Variants in SMAD2 observed in about 807,000 individuals in gnomAD.
The protein encoded by SMAD2 is MAD homolog 2.
In SMAD2, 8 loss-of-function variants were observed where a neutral mutation model predicts 64.4. That is an observed-to-expected ratio of 0.12 (90% confidence interval 0.07 to 0.22). The LOEUF is 0.22. Among genes scored for constraint, SMAD2 ranks in the 10% least tolerant of loss-of-function variants. The probability of loss-of-function intolerance (pLI) is 1.00; values close to 1 mark genes in which losing one functional copy is unlikely to be tolerated. For synonymous variants in SMAD2, 203 were observed against 195.8 expected, an observed-to-expected ratio of 1.04 and a Z score of -0.31; for missense variants, 289 against 561.2, an observed-to-expected ratio of 0.51 and a Z score of 4.90.
chr18:47,854,824 G>T (rs538552647), intron 6 of SMAD2, among the ~76,000 whole-genome samples: 1 of 151,934 alleles, frequency 6.6e-6, no homozygotes, highest in Non-Finnish European at 1.5e-5. Flanking sequence ...AACCACAATG[G>T]TCCATTTGTT....
rs1413382818 is a variant in SMAD2 at position 47,830,882 on chromosome 18, TCTG to T, written c.*10942_*10944del. 6.4e-5 allele frequency: 10 copies of T among 155,114 alleles called. No individual in the cohort carries two copies. Among genetic ancestry groups the T allele is most frequent in the Admixed American group, 3.9e-4 (6 of 15,352 alleles). The allele number at this position is 155,114 out of a possible 1,614,324, so 9.6% of individuals were successfully genotyped here. A position where few individuals can be genotyped will look rare whatever the true frequency, so the allele number is the denominator to read the frequency against. ...AGAAAAATCCACATATATACAAAAC[TCTG>T]CTAAAATTCCAATGGCTTCTCTAGA... On this transcript the variant is annotated 3_prime_UTR_variant, in exon 11 of 11. Coordinates refer to ENST00000262160, the MANE Select transcript of SMAD2 (RefSeq NM_005901.6).
chr18:47,864,685 C>CA (rs2031429843), intron 6 of SMAD2, among the ~76,000 whole-genome samples: 1 of 152,072 alleles, frequency 6.6e-6, no homozygotes, highest in Non-Finnish European at 1.5e-5. Context: ...CCTTCACCCC[C>CA]AAATTCCTCT....
At chr18:47,862,657 T>C (rs146801917) in intron 6 of SMAD2, among the ~76,000 whole-genome samples, 101 of 152,330 alleles carry the variant, frequency 6.6e-4, no homozygotes, top group East Asian at 6.4e-3. Context: ...TTCTGAGGTA[T>C]TGGAGGTTAG....
At chr18:47,890,789 A>G (rs729112) in intron 2 of SMAD2, among the ~76,000 whole-genome samples, 85,201 of 152,074 alleles carry the variant, frequency 0.56, 24,279 homozygotes, top group East Asian at 0.82. Flanking sequence ...TGTATGAATG[A>G]GAAGAAAGAA....
At chr18:47,892,218 T>TTGA (rs2033230362) in intron 2 of SMAD2, among the ~76,000 whole-genome samples, 1 of 138,678 alleles carries the variant, frequency 7.2e-6, no homozygotes, top group African/African-American at 2.8e-5. Flanking sequence ...TTTTTTTTTT[T>TTGA]GAGACGGAAT....
In SMAD2 at chr18:47,840,954, A is replaced by T; in HGVS notation, c.*873T>A. 4.3e-6 allele frequency: 1 copy of T among 232,538 alleles called. No individual in the cohort carries two copies. Among genetic ancestry groups the T allele is most frequent in the Non-Finnish European group, 8.5e-6 (1 of 117,578 alleles). The allele number at this position is 232,538 out of a possible 1,614,324, so 14.4% of individuals were successfully genotyped here. ...TTATTCCTGTTGAAATTTGGGCATA[A>T]GACAAAGGGACTTTCTCCATATGAA... On this transcript the variant is annotated 3_prime_UTR_variant, in exon 11 of 11. Transcript: ENST00000262160.
intron 7 of SMAD2, among the ~76,000 whole-genome samples, chr18:47,850,478 A>G (rs1190954956): frequency 4.8e-5 from 1 of 21,006 alleles, no homozygotes; most frequent in Non-Finnish European, 7.5e-5. Flanking sequence ...TATATATTAT[A>G]TATTATATAT....
At chr18:47,886,834 G>T (rs779543290) in intron 2 of SMAD2, 1 of 162,336 alleles carries the variant, frequency 6.2e-6, no homozygotes, top group Non-Finnish European at 1.3e-5. Context: ...CAAGGAAAAC[G>T]ATGATGATAA....
chr18:47,916,487 T>C (rs943885878), intron 1 of SMAD2, among the ~76,000 whole-genome samples: 2 of 151,962 alleles, frequency 1.3e-5, no homozygotes, highest in Non-Finnish European at 2.9e-5. Context: ...CACGATCTTG[T>C]CTCACTGCAA....
At position 47,829,200 on chromosome 18, in the gene SMAD2, A is replaced by C. The variant is rs1912893350; in HGVS notation, c.*12627T>G. 1 of 152,176 alleles carries C rather than the reference A, an allele frequency of 6.6e-6. No homozygotes were observed. Among genetic ancestry groups the C allele is most frequent in the African/African-American group, 2.4e-5 (1 of 41,450 alleles). The allele number at this position is 152,176 out of a possible 1,614,324, so 9.4% of individuals were successfully genotyped here. The stretch of plus-strand genomic sequence containing the variant: ...TAATTTCTTCACTACAAGGAATTTC[A>C]AACTTATCTAAAAGGAAATAGAATA... On this transcript the variant is annotated 3_prime_UTR_variant, in exon 11 of 11. Coordinates refer to ENST00000262160, the MANE Select transcript of SMAD2 (RefSeq NM_005901.6).
intron 7 of SMAD2, among the ~76,000 whole-genome samples, chr18:47,850,183 T>A (rs1345288359): frequency 9.3e-6 from 1 of 107,654 alleles, no homozygotes; most frequent in African/African-American, 3.8e-5. Context: ...CTCTCATATA[T>A]ATATTATATA....
At chr18:47,895,069 C>T (rs1011296487) in intron 2 of SMAD2, among the ~76,000 whole-genome samples, 10 of 152,278 alleles carry the variant, frequency 6.6e-5, no homozygotes, top group East Asian at 3.9e-4. Flanking sequence ...ACCACTCTCC[C>T]GCAGCCAGAA....
At position 47,824,632 on chromosome 18, in the gene SMAD2, A is replaced by G. The variant is rs1912685439; in HGVS notation, c.*17195T>C. The G allele has an allele frequency of 6.6e-6, 1 of 152,212 alleles. No individual in the cohort carries two copies. The highest frequency in any genetic ancestry group is 6.5e-5 in the Admixed American group (1 of 15,280). The allele number at this position is 152,212 out of a possible 1,614,324, so 9.4% of individuals were successfully genotyped here. A position where few individuals can be genotyped will look rare whatever the true frequency, so the allele number is the denominator to read the frequency against. ...ACACCTGAAAACTAAATTCTAGCTG[A>G]TCAATAAAATTCTTTGGTTCTACTG... On this transcript the variant is annotated 3_prime_UTR_variant, in exon 11 of 11. Coordinates refer to ENST00000262160, the MANE Select transcript of SMAD2 (RefSeq NM_005901.6).
intron 1 of SMAD2, chr18:47,922,400 T>C (rs2034595241): frequency 6.6e-6 from 1 of 152,200 alleles, no homozygotes; most frequent in South Asian, 2.1e-4. Context: ...AGGAAAAAAC[T>C]GTGACTGTAC....
At chr18:47,919,815 T>A (rs2034492912) in intron 1 of SMAD2, among the ~76,000 whole-genome samples, 1 of 152,194 alleles carries the variant, frequency 6.6e-6, no homozygotes, top group South Asian at 2.1e-4. Flanking sequence ...CTCAGCAGAT[T>A]TCTGATTCCA....
intron 7 of SMAD2, 36 bp downstream of exon 7, chr18:47,851,238 T>C (rs752515843): frequency 2.9e-6 from 4 of 1,399,894 alleles, no homozygotes; most frequent in African/African-American, 1.4e-5. Context: ...GGTGATACAG[T>C]ATAAAAATGA....
chr18:47,869,474 TAAAAAA>T (rs34501809), intron 3 of SMAD2, 38 bp from the exon 4 acceptor site: 5 of 1,066,628 alleles, frequency 4.7e-6, no homozygotes, highest in Non-Finnish European at 5.3e-6. Context: ...GAGGGAACTT[TAAAAAA>T]AAAAAAAAAA....
rs1913331062 is a variant in SMAD2, at chr18:47,835,488, CA to C, written c.*6338del. 5.1e-6 allele frequency: 1 copy of C among 197,892 alleles called. No homozygotes were observed. Among genetic ancestry groups the C allele is most frequent in the Admixed American group, 6.1e-5 (1 of 16,514 alleles). The allele number at this position is 197,892 out of a possible 1,614,324, so 12.3% of individuals were successfully genotyped here. A position where few individuals can be genotyped will look rare whatever the true frequency, so the allele number is the denominator to read the frequency against. On this transcript the variant is annotated 3_prime_UTR_variant, in exon 11 of 11. Coordinates refer to ENST00000262160, the MANE Select transcript of SMAD2 (RefSeq NM_005901.6). ...GATTGGGAATAGTAAGAGTGGCAAA[CA>C]AATGTTTTCTTAGGGACTTACTGAG...
chr18:47,916,549 C>T (rs2034344256), intron 1 of SMAD2, among the ~76,000 whole-genome samples: 1 of 151,980 alleles, frequency 6.6e-6, no homozygotes, highest in African/African-American at 2.4e-5. Flanking sequence ...GGATTACAGG[C>T]GACTGCAACC....
Sources: allele counts gnomAD v4.1 joint callset (sites outside exome capture counted in the v4.1 genomes callset), GRCh38; gene constraint gnomAD v4.1.1; transcripts MANE v1.5; gene names NCBI Gene and HGNC (gene_info 2026-07-23, HGNC 2026-07-21).